The following BCAS3 variants were observed in gnomAD, a reference collection of about 807,000 sequenced individuals.
BCAS3 encodes BCAS3 microtubule associated cell migration factor, also known as BCAS4/BCAS3 fusion.
In BCAS3, 53 loss-of-function variants were observed where a neutral mutation model predicts 116.1. The observed-to-expected ratio is 0.46, with a 90% CI of 0.37 to 0.57. BCAS3 has a LOEUF of 0.57. Ranked by LOEUF, BCAS3 falls within the 20% of genes least tolerant of loss-of-function variation. The pLI is 0.00. For synonymous variants in BCAS3, 391 were observed against 408.2 expected (o/e 0.96, Z 0.51); for missense variants, 917 against 1,165.4 (o/e 0.79, Z 3.10).
rs900262518 is a variant in BCAS3 at position 61,082,139 on chromosome 17, A to G, written c.2328-2328A>G. Among the ~76,000 whole-genome samples, 1 of 152,234 alleles carries G rather than the reference A, an allele frequency of 6.6e-6. No homozygotes were observed. Among genetic ancestry groups the G allele is most frequent in the Non-Finnish European group, 1.5e-5 (1 of 68,028 alleles). On this transcript the variant is annotated intron_variant, in intron 21 of 23. Transcript: ENST00000407086. The surrounding 1 kb of genome is among the most constrained non-coding windows in gnomAD (Gnocchi z 5.1). ...ATTTGCTAACAGACCTGAGAAACAT[A>G]TAATGTAAAAGATGCTGAGTATGCA...
At chr17:60,702,382 A>G (rs1003098412) in intron 4 of BCAS3, among the ~76,000 whole-genome samples, 21 of 152,284 alleles carry the variant, frequency 1.4e-4, no homozygotes, top group Non-Finnish European at 1.6e-4. Flanking sequence ...TAATTGTAAA[A>G]CTATAAACCT....
intron 22 of BCAS3, among the ~76,000 whole-genome samples, chr17:61,237,281 A>G (rs1391814971): frequency 2.0e-5 from 3 of 152,224 alleles, no homozygotes; most frequent in South Asian, 4.1e-4. Flanking sequence ...CGCTCTGTAA[A>G]GCACACCAAT....
intron 7 of BCAS3, among the ~76,000 whole-genome samples, chr17:60,848,088 T>G (rs1046150960): frequency 6.6e-6 from 1 of 152,238 alleles, no homozygotes; most frequent in African/African-American, 2.4e-5. Flanking sequence ...TTGAATAGAC[T>G]TGGCAGCTTT....
At chr17:61,166,217 C>T (rs2078481162) in intron 22 of BCAS3, among the ~76,000 whole-genome samples, 1 of 152,124 alleles carries the variant, frequency 6.6e-6, no homozygotes, top group Non-Finnish European at 1.5e-5. Flanking sequence ...TATTTTTTGT[C>T]CTATAAAGTA....
chr17:61,028,157 A>C lies in BCAS3; in HGVS notation c.1638-6509A>C, dbSNP rs542855804. Among the ~76,000 whole-genome samples, 1 of 152,010 alleles carries C rather than the reference A, an allele frequency of 6.6e-6. No individual in the cohort carries two copies. The highest frequency in any genetic ancestry group is 6.6e-5 in the Admixed American group (1 of 15,240). ...AGAAAGAAGCTTAAATAGTTCTTTA[A>C]GGTTAATTATTATTTGACACAAACT... On this transcript the variant is annotated intron_variant, in intron 16 of 23. Transcript: ENST00000407086. The surrounding 1 kb of genome is among the most constrained non-coding windows in gnomAD (Gnocchi z 4.3).
intron 5 of BCAS3, 43 bp downstream of exon 5, chr17:60,709,368 C>A: frequency 8.6e-7 from 1 of 1,162,270 alleles, no homozygotes; most frequent in Non-Finnish European, 1.3e-6. Context: ...TACTTCCCAG[C>A]ATGTTAGCTT....
chr17:60,859,779 A>C (rs1599228520), intron 7 of BCAS3, among the ~76,000 whole-genome samples: 1 of 151,790 alleles, frequency 6.6e-6, no homozygotes, highest in African/African-American at 2.4e-5. Context: ...ATGTTGGCCA[A>C]GCTGGTCTCA....
intron 23 of BCAS3, chr17:61,389,363 GGGTT>G (rs1189610308): frequency 1.3e-5 from 2 of 152,850 alleles, no homozygotes; most frequent in African/African-American, 4.8e-5. Context: ...CACTAGTGAG[GGGTT>G]GGCGGCAGGT....
chr17:61,339,740 G>A lies in BCAS3; in HGVS notation c.2426-28587G>A, dbSNP rs1333290795. Among the ~76,000 whole-genome samples the A allele has an allele frequency of 5.3e-5, 8 of 151,534 alleles. No individual in the cohort carries two copies. The highest frequency in any genetic ancestry group is 2.1e-4 in the South Asian group (1 of 4,780). On this transcript the variant is annotated intron_variant, in intron 22 of 23. Coordinates refer to ENST00000407086, the MANE Select transcript of BCAS3 (RefSeq NM_017679.5). This position sits in a 1 kb window ranked among gnomAD's most constrained non-coding sequence, Gnocchi z 4.4. The stretch of plus-strand genomic sequence containing the variant: ...GAGATCGCGCCACTGTACTCCAGTC[G>A]GGGCGACAAAGCGAGACCCCATCTA...
In BCAS3 at chr17:61,376,502, T is replaced by C. The variant is rs1264029458; in HGVS notation, c.2593+8008T>C. 1.3e-5 allele frequency among the ~76,000 whole-genome samples: 2 copies of C among 152,216 alleles called. No homozygotes were observed. The highest frequency in any genetic ancestry group is 2.9e-5 in the Non-Finnish European group (2 of 68,048). On this transcript the variant is annotated intron_variant, in intron 23 of 23. Coordinates refer to ENST00000407086, the MANE Select transcript of BCAS3 (RefSeq NM_017679.5). The surrounding 1 kb of genome is among the most constrained non-coding windows in gnomAD (Gnocchi z 4.5). ...AGGAAGGGTTAGTCTTTCGGCCTCC[T>C]GAAAGTAGGAATCGCTCTCCTCTCC...
chr17:61,167,504 C>T (rs569688564), intron 22 of BCAS3, among the ~76,000 whole-genome samples: 2 of 152,328 alleles, frequency 1.3e-5, no homozygotes, highest in Admixed American at 6.5e-5. Flanking sequence ...TAAAATCTCA[C>T]TATAGATAGT....
intron 14 of BCAS3, among the ~76,000 whole-genome samples, chr17:60,974,565 A>G (rs2062175824): frequency 6.6e-6 from 1 of 152,230 alleles, no homozygotes; most frequent in African/African-American, 2.4e-5. Context: ...GACTATGACT[A>G]CAGTACGTTT....
In BCAS3 at chr17:60,701,835, G is replaced by A. The variant is rs149511049; in HGVS notation, c.215-7384G>A. Among the ~76,000 whole-genome samples the A allele has an allele frequency of 1.7e-4, 25 of 148,434 alleles. No homozygotes were observed. In the East Asian group the frequency reaches 2.7e-3, roughly 16 times the overall value. ...AAAAAAAAAAAAGAAAAAGCCAGGC[G>A]TGGTGGCACACGCCTGTAATCCCAG... On this transcript the variant is annotated intron_variant, in intron 4 of 23. Transcript: ENST00000407086.
At chr17:61,090,863 G>A (rs969936281) in intron 22 of BCAS3, among the ~76,000 whole-genome samples, 2 of 152,108 alleles carry the variant, frequency 1.3e-5, no homozygotes, top group African/African-American at 2.4e-5. Flanking sequence ...CACCATGTTG[G>A]TCAGGCTGGT....
chr17:61,229,537 A>G lies in BCAS3; in HGVS notation c.2426-138790A>G, dbSNP rs558689173. 1.3e-5 allele frequency among the ~76,000 whole-genome samples: 2 copies of G among 152,338 alleles called. No homozygotes were observed. Among genetic ancestry groups the G allele is most frequent in the African/African-American group, 4.8e-5 (2 of 41,580 alleles). On this transcript the variant is annotated intron_variant, in intron 22 of 23. Coordinates refer to ENST00000407086, the MANE Select transcript of BCAS3 (RefSeq NM_017679.5). The surrounding 1 kb of genome is among the most constrained non-coding windows in gnomAD (Gnocchi z 4.4). ...GTCAGTGCCTGGCTTCAAAGCTTCA[A>G]TTGAAGGACAGGCTGATACACAATG...
chr17:60,776,573 G>A (rs1162244500), intron 6 of BCAS3, among the ~76,000 whole-genome samples: 1 of 151,948 alleles, frequency 6.6e-6, no homozygotes, highest in Non-Finnish European at 1.5e-5. Flanking sequence ...ACAAAAATTA[G>A]CCAGGCATGG....
rs1260257649 is a variant in BCAS3 at position 61,131,615 on chromosome 17, T to C, written c.2425+47051T>C. ...ATTTCTCCATAAAGGCCTTTCTTCC[T>C]TGAGGTCTGTGAGCCTCCAGGCCTT... On this transcript the variant is annotated intron_variant, in intron 22 of 23. Coordinates refer to ENST00000407086, the MANE Select transcript of BCAS3 (RefSeq NM_017679.5). The surrounding 1 kb of genome is among the most constrained non-coding windows in gnomAD (Gnocchi z 4.4). 6.6e-6 allele frequency among the ~76,000 whole-genome samples: 1 copy of C among 152,224 alleles called. No homozygotes were observed. Among genetic ancestry groups the C allele is most frequent in the Non-Finnish European group, 1.5e-5 (1 of 68,036 alleles).
intron 2 of BCAS3, among the ~76,000 whole-genome samples, chr17:60,680,510 T>C (rs2032894401): frequency 6.6e-6 from 1 of 152,226 alleles, no homozygotes. Context: ...TCTCTTAGTC[T>C]AGGTCTCTGT....
rs1263697593 is a variant in BCAS3 at position 61,134,319 on chromosome 17, G to A, written c.2425+49755G>A. Among the ~76,000 whole-genome samples the A allele has an allele frequency of 1.3e-5, 2 of 152,144 alleles. No homozygotes were observed. Among genetic ancestry groups the A allele is most frequent in the Admixed American group, 6.5e-5 (1 of 15,280 alleles). Reference sequence around the variant, plus strand: ...TAGGCACTGTGCTCAGACTTTATGAGCATTGTCTCATTTTTCATCGTTTTA... The same window carrying A: ...TAGGCACTGTGCTCAGACTTTATGAACATTGTCTCATTTTTCATCGTTTTA... On this transcript the variant is annotated intron_variant, in intron 22 of 23. Transcript: ENST00000407086. This position sits in a 1 kb window ranked among gnomAD's most constrained non-coding sequence, Gnocchi z 4.6.
Sources: allele counts gnomAD v4.1 joint callset (sites outside exome capture counted in the v4.1 genomes callset), GRCh38; gene constraint gnomAD v4.1.1; non-coding constraint Gnocchi (gnomAD v3.1); transcripts MANE v1.5; gene names NCBI Gene and HGNC (gene_info 2026-07-23, HGNC 2026-07-21).